Variants in CDC42BPA observed in about 807,000 individuals in gnomAD.
The protein encoded by CDC42BPA is CDC42 binding protein kinase alpha.
CDC42BPA carries 80 observed loss-of-function variants against 223.5 expected under a neutral mutation model. That is an observed-to-expected ratio of 0.36 (90% CI 0.30 to 0.43). The LOEUF is 0.43. CDC42BPA is among the 20% of genes least tolerant of loss of function. The probability of loss-of-function intolerance (pLI) is 1.00; values close to 1 mark genes in which losing one functional copy is unlikely to be tolerated. For synonymous variants in CDC42BPA, 694 were observed against 718.6 expected, an observed-to-expected ratio of 0.97 and a Z score of 0.55; for missense variants, 1,743 against 2,099.9, an observed-to-expected ratio of 0.83 and a Z score of 3.32.
At chr1:227,051,653 A>G (rs186139934) in intron 22 of CDC42BPA, among the ~76,000 whole-genome samples, 69 of 152,302 alleles carry the variant, frequency 4.5e-4, no homozygotes, top group Admixed American at 9.8e-4. Context: ...ATTAAAATAA[A>G]GACTATCTTT....
intron 35 of CDC42BPA, among the ~76,000 whole-genome samples, chr1:227,002,496 A>C (rs1663069751): frequency 6.6e-6 from 1 of 152,238 alleles, no homozygotes; most frequent in South Asian, 2.1e-4. Flanking sequence ...GTCTGTAGCC[A>C]GGCTCCAAGA....
At chr1:227,232,682 C>G (rs527774596) in intron 2 of CDC42BPA, among the ~76,000 whole-genome samples, 2 of 152,318 alleles carry the variant, frequency 1.3e-5, no homozygotes, top group East Asian at 3.9e-4. Flanking sequence ...GAGGTCCACT[C>G]CAGACCATTT....
intron 2 of CDC42BPA, among the ~76,000 whole-genome samples, chr1:227,215,114 T>C (rs957471166): frequency 6.6e-6 from 1 of 152,180 alleles, no homozygotes; most frequent in African/African-American, 2.4e-5. Context: ...CCAATGAGAA[T>C]GTTACATAAA....
At chr1:227,265,842 G>T (rs1262837161) in intron 1 of CDC42BPA, among the ~76,000 whole-genome samples, 2 of 152,000 alleles carry the variant, frequency 1.3e-5, no homozygotes, top group Non-Finnish European at 2.9e-5. Flanking sequence ...GTCCAAAGAA[G>T]GTCCTCGTTT....
intron 1 of CDC42BPA, among the ~76,000 whole-genome samples, chr1:227,257,264 T>C (rs1182838828): frequency 1.1e-4 from 17 of 152,186 alleles, no homozygotes; most frequent in Non-Finnish European, 2.9e-5. Flanking sequence ...AGCTATGTGA[T>C]GGTTGTTACA....
At chr1:227,099,304 A>T (rs1340877557) in intron 15 of CDC42BPA, among the ~76,000 whole-genome samples, 1 of 152,002 alleles carries the variant, frequency 6.6e-6, no homozygotes, top group African/African-American at 2.4e-5. Flanking sequence ...GTATTCCCGA[A>T]GAAGGCACTG....
At chr1:227,293,207 C>T (rs193226112) in intron 1 of CDC42BPA, among the ~76,000 whole-genome samples, 1 of 152,278 alleles carries the variant, frequency 6.6e-6, no homozygotes, top group East Asian at 1.9e-4. Context: ...AAAACAGACA[C>T]AGTCCCTGCT....
chr1:227,289,838 G>T (rs949059807), intron 1 of CDC42BPA, among the ~76,000 whole-genome samples: 22 of 148,958 alleles, frequency 1.5e-4, no homozygotes, highest in Admixed American at 5.5e-4. Context: ...AGACTACTAG[G>T]GCTAGGAGTT....
At chr1:227,206,295 A>T (rs530185758) in intron 3 of CDC42BPA, among the ~76,000 whole-genome samples, 2 of 152,224 alleles carry the variant, frequency 1.3e-5, no homozygotes, top group Admixed American at 1.3e-4. Flanking sequence ...ATGAACTTGT[A>T]GAGTTATTGG....
At chr1:227,080,770 G>A (rs1481752815) in intron 17 of CDC42BPA, 123 bp downstream of exon 17, 29 of 1,105,714 alleles carry the variant, frequency 2.6e-5, no homozygotes, top group Non-Finnish European at 3.5e-5. Context: ...GCTTTTCAGA[G>A]TAACTTATTT....
intron 1 of CDC42BPA, among the ~76,000 whole-genome samples, chr1:227,260,577 AAG>A (rs1683863975): frequency 6.6e-6 from 1 of 151,026 alleles, no homozygotes. Context: ...GTCCAATAGA[AAG>A]AGAGAGTGGA....
At chr1:227,110,851 T>C (rs1272269855) in intron 14 of CDC42BPA, among the ~76,000 whole-genome samples, 3 of 152,346 alleles carry the variant, frequency 2.0e-5, no homozygotes, top group Non-Finnish European at 2.9e-5. Context: ...TTTATATTTC[T>C]ATTTACAGCA....
intron 5 of CDC42BPA, among the ~76,000 whole-genome samples, chr1:227,173,425 A>G (rs1307469877): frequency 6.6e-6 from 1 of 152,180 alleles, no homozygotes; most frequent in Non-Finnish European, 1.5e-5. Context: ...ACTACTAGAC[A>G]ATCTACCAAT....
intron 3 of CDC42BPA, among the ~76,000 whole-genome samples, chr1:227,202,015 G>C (rs1019054082): frequency 3.1e-4 from 47 of 151,716 alleles, no homozygotes; most frequent in African/African-American, 1.0e-3. Flanking sequence ...CTTTTTTCTC[G>C]CTCTGTCGCC....
chr1:227,052,729 A>G (rs16846892), intron 21 of CDC42BPA, among the ~76,000 whole-genome samples: 7,703 of 152,240 alleles, frequency 0.051, 431 homozygotes, highest in East Asian at 0.25. Flanking sequence ...CAGCAAAACA[A>G]TGTTTAGATC....
chr1:227,150,466 T>G (rs1250913707), intron 6 of CDC42BPA, among the ~76,000 whole-genome samples: 1 of 152,098 alleles, frequency 6.6e-6, no homozygotes, highest in Non-Finnish European at 1.5e-5. Flanking sequence ...AAAATAATTG[T>G]CAATATAGTA....
chr1:227,221,518 T>C (rs982092073), intron 2 of CDC42BPA, among the ~76,000 whole-genome samples: 1 of 152,106 alleles, frequency 6.6e-6, no homozygotes, highest in Admixed American at 6.6e-5. Flanking sequence ...GTTGACTTTT[T>C]TGAATGTTTC....
chr1:227,112,898 T>A lies in CDC42BPA; in HGVS notation c.1663A>T (p.Ser555Cys), dbSNP rs373723564. Residue 555 changes from serine to cysteine, a missense_variant, in exon 13 of 37, where the codon AGT (serine) becomes TGT (cysteine). This residue lies in a region of CDC42BPA where 464 missense variants were observed against 488.0 expected (regional missense o/e 0.95). Transcript: ENST00000366766. ...TTGGATTGGTTTTTTAATCGCTCAC[T>A]AGCCTGGACTAGTTCCTACAGTTTT... is the stretch of plus-strand genomic sequence containing the variant. ...EDLNKELVQA[S>C]ERLKNQSKEL... 5.0e-6 allele frequency: 8 copies of A among 1,613,786 alleles called. No individual in the cohort carries two copies. In the East Asian group the frequency reaches 1.6e-4, roughly 31 times the overall value.
rs183857756 is a variant in CDC42BPA, at chr1:227,028,780, C to T, written c.4309G>A (p.Ala1437Thr). 46 of 1,613,954 alleles carry T rather than the reference C, an allele frequency of 2.9e-5. No homozygotes were observed. In the Admixed American group the frequency reaches 3.0e-4, roughly 11 times the overall value. Residue 1437 changes from alanine to threonine, a missense_variant, in exon 30 of 37, where the codon GCA becomes ACA. Physicochemically the swap from Ala to Thr is moderately conservative, Grantham distance 58. Coordinates refer to ENST00000366766, the MANE Select transcript of CDC42BPA (RefSeq NM_001394014.1). ...TATTCTTTACTGGAGATCTCAACTG[C>T]GCAGATAGCATCCATTGGTTGATGT... ...IAHQPMDAIC[A>T]VEISSKEYLL...
Sources: allele counts gnomAD v4.1 joint callset (sites outside exome capture counted in the v4.1 genomes callset), GRCh38; gene constraint gnomAD v4.1.1; regional missense constraint gnomAD v4.1.1; transcripts MANE v1.5; gene names NCBI Gene and HGNC (gene_info 2026-07-23, HGNC 2026-07-21).